LINGO2: variants seen among roughly 807,000 people sequenced by gnomAD.
LINGO2 encodes the protein leucine-rich repeat and immunoglobulin-like domain-containing nogo receptor-interacting protein 2.
LINGO2 carries 14 observed loss-of-function variants against 30.6 expected under a neutral mutation model. That is an observed-to-expected ratio of 0.46 (90% CI 0.30 to 0.72). The LOEUF (loss-of-function observed/expected upper bound fraction) is 0.72, where lower values mean the gene tolerates loss of function less well. Ranked by LOEUF, LINGO2 falls within the 30% of genes least tolerant of loss-of-function variation. LINGO2 has a pLI of 0.07. For missense variants in LINGO2, 729 were observed against 751.7 expected (o/e 0.97, Z 0.35); for synonymous variants, 317 against 288.5 (o/e 1.10, Z -1.00).
chr9:28,847,738 AT>A, the LINGO2 span, among the ~76,000 whole-genome samples: 1 of 111,768 alleles, frequency 8.9e-6, no homozygotes, highest in African/African-American at 3.4e-5. Flanking sequence ...GTCTGTGTAT[AT>A]ATATATGTTA....
At chr9:29,029,512 A>G in the LINGO2 span, among the ~76,000 whole-genome samples, 1 of 152,130 alleles carries the variant, frequency 6.6e-6, no homozygotes, top group Non-Finnish European at 1.5e-5. Flanking sequence ...AAAATTCACT[A>G]TGTAATCCCC....
chr9:28,905,408 T>A, the LINGO2 span, among the ~76,000 whole-genome samples: 3 of 152,004 alleles, frequency 2.0e-5, no homozygotes, highest in South Asian at 6.2e-4. Flanking sequence ...GATAAGGGGT[T>A]CACATTCAAA....
intron 2 of LINGO2, among the ~76,000 whole-genome samples, chr9:28,454,403 A>T (rs1379531554): frequency 6.6e-6 from 1 of 152,004 alleles, no homozygotes; most frequent in African/African-American, 2.4e-5. Context: ...GTGAACTCAA[A>T]CAAAATTTCC....
At chr9:28,430,606 C>T (rs1438730900) in intron 2 of LINGO2, among the ~76,000 whole-genome samples, 1 of 151,984 alleles carries the variant, frequency 6.6e-6, no homozygotes, top group Non-Finnish European at 1.5e-5. Context: ...TTTTGTTTTA[C>T]CTATATTTTT....
chr9:27,991,167 A>G (rs185041797), intron 5 of LINGO2, among the ~76,000 whole-genome samples: 127 of 152,156 alleles, frequency 8.3e-4, no homozygotes, highest in African/African-American at 2.9e-3. Flanking sequence ...TTCTTTCTCA[A>G]AGCACTTAGA....
chr9:28,624,664 T>C (rs1333936889), intron 1 of LINGO2, among the ~76,000 whole-genome samples: 1 of 151,746 alleles, frequency 6.6e-6, no homozygotes, highest in East Asian at 1.9e-4. Context: ...CTGTTTTTGG[T>C]ATCAGGGTAG....
At chr9:28,615,837 A>G (rs1323983926) in intron 1 of LINGO2, among the ~76,000 whole-genome samples, 2 of 152,156 alleles carry the variant, frequency 1.3e-5, no homozygotes, top group Non-Finnish European at 2.9e-5. Context: ...TAAGATGAAA[A>G]TAGAAATCTA....
chr9:28,899,483 A>G, the LINGO2 span, among the ~76,000 whole-genome samples: 15 of 152,138 alleles, frequency 9.9e-5, no homozygotes, highest in Non-Finnish European at 1.9e-4. Flanking sequence ...CCACAGCACC[A>G]GGCTGACCCC....
the LINGO2 span, among the ~76,000 whole-genome samples, chr9:28,833,920 A>G: frequency 3.3e-5 from 5 of 152,068 alleles, no homozygotes; most frequent in African/African-American, 9.7e-5. Flanking sequence ...CTCCTTCTTT[A>G]TATCGCACTC....
the LINGO2 span, among the ~76,000 whole-genome samples, chr9:29,093,636 T>G: frequency 7.3e-6 from 1 of 136,334 alleles, no homozygotes; most frequent in Admixed American, 7.6e-5. Context: ...TAAGATAATA[T>G]CCCTATCCTA....
At chr9:28,592,949 T>C (rs1378746500) in intron 1 of LINGO2, among the ~76,000 whole-genome samples, 1 of 152,096 alleles carries the variant, frequency 6.6e-6, no homozygotes, top group South Asian at 2.1e-4. Context: ...AATGGAACTA[T>C]GTTCCATTAC....
chr9:29,054,558 A>G, the LINGO2 span, among the ~76,000 whole-genome samples: 1 of 152,204 alleles, frequency 6.6e-6, no homozygotes, highest in Non-Finnish European at 1.5e-5. Context: ...CATAGTATCA[A>G]GAGAAACACG....
At chr9:27,966,728 A>C (rs1230273238) in intron 5 of LINGO2, among the ~76,000 whole-genome samples, 2 of 152,024 alleles carry the variant, frequency 1.3e-5, no homozygotes, top group Non-Finnish European at 2.9e-5. Context: ...CCCAGAATTT[A>C]CAGTAAAATT....
chr9:28,159,220 A>G (rs966883539), intron 4 of LINGO2, among the ~76,000 whole-genome samples: 1 of 152,174 alleles, frequency 6.6e-6, no homozygotes, highest in Non-Finnish European at 1.5e-5. Context: ...ATTACTTTAA[A>G]AGATGAGCTA....
At chr9:28,610,875 T>C (rs1369282877) in intron 1 of LINGO2, among the ~76,000 whole-genome samples, 4 of 152,188 alleles carry the variant, frequency 2.6e-5, no homozygotes, top group Non-Finnish European at 4.4e-5. Context: ...CTTTTTTGTA[T>C]GGCAGATCTC....
intron 4 of LINGO2, among the ~76,000 whole-genome samples, chr9:28,219,361 C>A (rs916452481): frequency 6.6e-6 from 1 of 152,128 alleles, no homozygotes; most frequent in Non-Finnish European, 1.5e-5. Context: ...CAGTTACACT[C>A]TTTTATATTT....
At chr9:28,183,329 C>T (rs1406288201) in intron 4 of LINGO2, among the ~76,000 whole-genome samples, 2 of 151,762 alleles carry the variant, frequency 1.3e-5, no homozygotes, top group South Asian at 4.2e-4. Context: ...GGGGAGGGAA[C>T]TTAGAGGTCA....
the LINGO2 span, among the ~76,000 whole-genome samples, chr9:29,165,415 T>C: frequency 1.3e-5 from 2 of 152,094 alleles, no homozygotes; most frequent in Admixed American, 1.3e-4. Flanking sequence ...GTTGGCTCTC[T>C]GTGGTAAGCT....
chr9:27,993,532 G>A (rs1487822995), intron 5 of LINGO2, among the ~76,000 whole-genome samples: 2 of 152,020 alleles, frequency 1.3e-5, no homozygotes, highest in Non-Finnish European at 2.9e-5. Flanking sequence ...GTAACATAGT[G>A]AGACCCTGTC....
Sources: allele counts gnomAD v4.1 joint callset (sites outside exome capture counted in the v4.1 genomes callset), GRCh38; gene constraint gnomAD v4.1.1; transcripts MANE v1.5; gene names NCBI Gene and HGNC (gene_info 2026-07-23, HGNC 2026-07-21).